TXNL4B: variants seen among roughly 807,000 people sequenced by gnomAD.
TXNL4B encodes thioredoxin like 4B, also known as thioredoxin-like protein 4B.
TXNL4B carries 12 observed loss-of-function variants against 13.0 expected under a neutral mutation model. The ratio of observed to expected loss-of-function variants is 0.92; its 90% CI spans 0.59 to 1.49. The LOEUF (loss-of-function observed/expected upper bound fraction) is 1.49, where lower values mean the gene tolerates loss of function less well. Ranked by LOEUF, TXNL4B falls within the 40% of genes most tolerant of loss-of-function variation. The pLI, the probability that TXNL4B is intolerant of heterozygous loss-of-function variation, is 0.00. For synonymous variants in TXNL4B, 59 were observed against 58.9 expected (o/e 1.00, Z -0.01); for missense variants, 214 against 173.6 (o/e 1.23, Z -1.31).
chr16:72,089,087 C>G lies in TXNL4B; in HGVS notation c.184G>C (p.Asp62His), dbSNP rs576646926. The G allele has an allele frequency of 5.1e-4, 819 of 1,612,696 alleles. 13 individuals are homozygous for G. The South Asian group carries it at 8.6e-3, about 17-fold the overall frequency. Residue 62 changes from aspartate (D) to histidine (H), a missense_variant, in exon 3 of 4, where the codon GAT (aspartate) becomes CAT (histidine). Coordinates refer to ENST00000268483, the MANE Select transcript of TXNL4B (RefSeq NM_017853.3). ...LSKMAAIYLVDVDQTAVYTQY... is the reference protein window; with the variant it reads ...LSKMAAIYLVHVDQTAVYTQY... ...GTATAAACTGCAGTTTGGTCCACAT[C>G]TACCAGGTATATAGCAGCCATTTTA... is the stretch of plus-strand genomic sequence containing the variant.
Position 72,086,584 on chromosome 16 carries a change from A to G in TXNL4B, c.*53T>C. On this transcript the variant is annotated 3_prime_UTR_variant, in exon 4 of 4. Coordinates refer to ENST00000268483, the MANE Select transcript of TXNL4B (RefSeq NM_017853.3). ...CCAGAAACACAGCACAGCTGGATTC[A>G]GGTACTGTGTCAAGATGTGCCTTCT... is the stretch of plus-strand genomic sequence containing the variant. The G allele has an allele frequency of 2.0e-6, 3 of 1,510,148 alleles. No individual in the cohort carries two copies. Among genetic ancestry groups the G allele is most frequent in the South Asian group, 2.3e-5 (2 of 86,250 alleles). The allele number at this position is 1,510,148 out of a possible 1,614,324, so 93.5% of individuals were successfully genotyped here. A position where few individuals can be genotyped will look rare whatever the true frequency, so the allele number is the denominator to read the frequency against.
intron 1 of TXNL4B, among the ~76,000 whole-genome samples, chr16:72,092,267 G>A (rs1021399463): frequency 3.9e-5 from 6 of 152,088 alleles, no homozygotes; most frequent in Admixed American, 6.5e-5. Context: ...AAAATTAGCC[G>A]GGCGTGGTGG....
Position 72,086,278 on chromosome 16 carries a change from C to T in TXNL4B, c.*359G>A, listed in dbSNP as rs562515040. ...TTCTATGGGAAGTGACTTTCCAGTT[C>T]ACTTGTGTATCAAATGAACATGATG... On this transcript the variant is annotated 3_prime_UTR_variant, in exon 4 of 4. Coordinates refer to ENST00000268483, the MANE Select transcript of TXNL4B (RefSeq NM_017853.3). 3.6e-5 allele frequency: 6 copies of T among 167,094 alleles called. No homozygotes were observed. The East Asian group carries it at 9.9e-4, about 28-fold the overall frequency. The allele number at this position is 167,094 out of a possible 1,614,324, so 10.4% of individuals were successfully genotyped here.
At chr16:72,093,211 G>C (rs1418376952) in intron 1 of TXNL4B, among the ~76,000 whole-genome samples, 156 bp downstream of exon 1, 2 of 152,214 alleles carry the variant, frequency 1.3e-5, no homozygotes, top group Non-Finnish European at 2.9e-5. Flanking sequence ...AAAACAACTG[G>C]AAATCAGTGG....
At chr16:72,089,210 C>T (rs1425781855) in intron 2 of TXNL4B, 72 bp from the exon 3 acceptor site, 8 of 1,370,622 alleles carry the variant, frequency 5.8e-6, no homozygotes, top group Non-Finnish European at 8.1e-6. Context: ...AAACTTGTTA[C>T]TACAACAGAG....
chr16:72,086,531 C>A lies in TXNL4B; in HGVS notation c.*106G>T. The A allele has an allele frequency of 8.9e-7, 1 of 1,128,666 alleles. No homozygotes were observed. The highest frequency in any genetic ancestry group is 1.3e-6 in the Non-Finnish European group (1 of 789,670). The allele number at this position is 1,128,666 out of a possible 1,614,324, so 69.9% of individuals were successfully genotyped here. On this transcript the variant is annotated 3_prime_UTR_variant, in exon 4 of 4. Transcript: ENST00000268483. ...TCTACACGCAAGTCAAACCTCTTCT[C>A]CTCTGGGACACATGTTTCCAAAGGA... is the stretch of plus-strand genomic sequence containing the variant.
In TXNL4B at chr16:72,089,078, G is replaced by C. The variant is rs774821674; in HGVS notation, c.193C>G (p.Gln65Glu). 2.1e-5 allele frequency: 34 copies of C among 1,611,476 alleles called. No homozygotes were observed. The highest frequency in any genetic ancestry group is 2.9e-5 in the Non-Finnish European group (34 of 1,177,696). The change falls in exon 3 of 4, where the codon CAA (glutamine) becomes GAA (glutamate). Residue 65 changes from glutamine to glutamate, a missense_variant. Physicochemically the swap from Gln to Glu is conservative, Grantham distance 29 (BLOSUM62 2). Transcript: ENST00000268483. ...MAAIYLVDVD[Q>E]TAVYTQYFDI... is the part of the protein sequence containing the mutation. ...AAATACTGTGTATAAACTGCAGTTTGGTCCACATCTACCAGGTATATAGCA... is the reference window on the plus strand; with the variant it reads ...AAATACTGTGTATAAACTGCAGTTTCGTCCACATCTACCAGGTATATAGCA...
At chr16:72,087,456 A>G (rs2041840603) in intron 3 of TXNL4B, 1 of 151,930 alleles carries the variant, frequency 6.6e-6, no homozygotes, top group Non-Finnish European at 1.5e-5. Context: ...TAGCTGACAT[A>G]TATTTCTTTC....
At chr16:72,089,698 T>C (rs2526345) in intron 2 of TXNL4B, among the ~76,000 whole-genome samples, 1 of 152,212 alleles carries the variant, frequency 6.6e-6, no homozygotes, top group Non-Finnish European at 1.5e-5. Flanking sequence ...TTCCTCCCAA[T>C]CCTCCCAGAA....
At position 72,086,815 on chromosome 16, in the gene TXNL4B, G is replaced by C. The variant is rs1030857328; in HGVS notation, c.285-13C>G. On this transcript the variant is annotated splice_polypyrimidine_tract_variant and intron_variant, in intron 3 of 3. Coordinates refer to ENST00000268483, the MANE Select transcript of TXNL4B (RefSeq NM_017853.3). ...GTGATCTGGAGATCTAGACAGCATAGAAGAGAAACAACTGCTCTAAGAACT... is the reference window on the plus strand; with the variant it reads ...GTGATCTGGAGATCTAGACAGCATACAAGAGAAACAACTGCTCTAAGAACT... 1.9e-6 allele frequency: 3 copies of C among 1,549,526 alleles called. No homozygotes were observed. The highest frequency in any genetic ancestry group is 3.5e-5 in the Admixed American group (2 of 56,848).
chr16:72,088,926 T>C, intron 3 of TXNL4B, 61 bp downstream of exon 3: 1 of 1,395,220 alleles, frequency 7.2e-7, no homozygotes, highest in Non-Finnish European at 9.9e-7. Flanking sequence ...GGCAAGCTAC[T>C]GAAAATGCTT....
rs368509676 is a variant in TXNL4B, at chr16:72,092,177, G to A, written c.-38+1190C>T. On this transcript the variant is annotated intron_variant, in intron 1 of 3. Coordinates refer to ENST00000268483, the MANE Select transcript of TXNL4B (RefSeq NM_017853.3). Reference sequence around the variant, plus strand: ...TAATCCCAGCACTTTGGGAGGCCAAGGAGGGTGGATCACCTATGGCCAGGA... The same window carrying A: ...TAATCCCAGCACTTTGGGAGGCCAAAGAGGGTGGATCACCTATGGCCAGGA... Among the ~76,000 whole-genome samples, 5 of 152,248 alleles carry A rather than the reference G, an allele frequency of 3.3e-5. No homozygotes were observed. The East Asian group carries it at 9.6e-4, about 29-fold the overall frequency.
chr16:72,086,497 G>T lies in TXNL4B; in HGVS notation c.*140C>A. The T allele has an allele frequency of 1.5e-6, 1 of 672,660 alleles. No individual in the cohort carries two copies. 41.7% of individuals were successfully genotyped at this position (672,660 alleles called of 1,614,324 possible). On this transcript the variant is annotated 3_prime_UTR_variant, in exon 4 of 4. Coordinates refer to ENST00000268483, the MANE Select transcript of TXNL4B (RefSeq NM_017853.3). ...AACCAGTGGGGTCTTTTCCTCAGGG[G>T]CCGGGTTTTCTACACGCAAGTCAAA...
At chr16:72,088,150 G>T (rs2041851264) in intron 3 of TXNL4B, among the ~76,000 whole-genome samples, 1 of 152,104 alleles carries the variant, frequency 6.6e-6, no homozygotes, top group South Asian at 2.1e-4. Context: ...TTTTAGTAGA[G>T]ATGGGGTTTC....
In TXNL4B at chr16:72,089,113, C is replaced by T; in HGVS notation, c.158G>A (p.Ser53Asn). 6.2e-7 allele frequency: 1 copy of T among 1,612,750 alleles called. No individual in the cohort carries two copies. Among genetic ancestry groups the T allele is most frequent in the Non-Finnish European group, 8.5e-7 (1 of 1,178,994 alleles). ...DILSKTSSDLSKMAAIYLVDV... is the reference protein window; with the variant it reads ...DILSKTSSDLNKMAAIYLVDV... ...TACCAGGTATATAGCAGCCATTTTA[C>T]TTAAGTCAGAAGAGGTCTTAGAAAG... is the stretch of plus-strand genomic sequence containing the variant. Residue 53 changes from serine (S) to asparagine (N), a missense_variant, in exon 3 of 4, where the codon AGT becomes AAT. Ser to Asn is a conservative substitution (Grantham distance 46). Transcript: ENST00000268483.
chr16:72,091,368 C>T (rs1337679475), intron 1 of TXNL4B, among the ~76,000 whole-genome samples: 1 of 152,122 alleles, frequency 6.6e-6, no homozygotes, highest in Non-Finnish European at 1.5e-5. Context: ...CAGCCACTCT[C>T]CTCCCTCCCT....
intron 2 of TXNL4B, 99 bp downstream of exon 2, chr16:72,090,519 T>C: frequency 7.9e-7 from 1 of 1,270,120 alleles, no homozygotes; most frequent in Non-Finnish European, 1.1e-6. Context: ...AACAGCTATA[T>C]ACCCAACCCT....
At position 72,085,859 on chromosome 16, in the gene TXNL4B, TG is replaced by T. The variant is rs1480973363; in HGVS notation, c.*777del. ...CTCTATAAAAATACAAAAAATTAGC[TG>T]GGCATGGTGGCGGGCGCCTGTAGTC... On this transcript the variant is annotated 3_prime_UTR_variant, in exon 4 of 4. Transcript: ENST00000268483. 2 of 152,002 alleles carry T rather than the reference TG, an allele frequency of 1.3e-5. No homozygotes were observed. Among genetic ancestry groups the T allele is most frequent in the Non-Finnish European group, 2.9e-5 (2 of 68,004 alleles). 9.4% of individuals were successfully genotyped at this position (152,002 alleles called of 1,614,324 possible).
intron 2 of TXNL4B, 103 bp downstream of exon 2, chr16:72,090,515 T>C: frequency 8.3e-7 from 1 of 1,209,294 alleles, no homozygotes; most frequent in Non-Finnish European, 1.2e-6. Context: ...AATGAACAGC[T>C]ATATACCCAA....
Sources: allele counts gnomAD v4.1 joint callset (sites outside exome capture counted in the v4.1 genomes callset), GRCh38; gene constraint gnomAD v4.1.1; transcripts MANE v1.5; gene names NCBI Gene and HGNC (gene_info 2026-07-23, HGNC 2026-07-21).